The following MROH9 variants were observed in gnomAD, a reference collection of about 807,000 sequenced individuals.
The protein encoded by MROH9 is maestro heat-like repeat-containing protein family member 9.
MROH9 carries 92 observed loss-of-function variants against 98.2 expected under a neutral mutation model. The ratio of observed to expected loss-of-function variants is 0.94; its 90% CI spans 0.79 to 1.11. The LOEUF is 1.11. MROH9 is among the 50% of genes most tolerant of loss of function. The pLI, the probability that MROH9 is intolerant of heterozygous loss-of-function variation, is 0.00. For synonymous variants in MROH9, 397 were observed against 368.9 expected (o/e 1.08, Z -0.87); for missense variants, 1,057 against 1,014.8 (o/e 1.04, Z -0.57).
intron 2 of MROH9, among the ~76,000 whole-genome samples, chr1:170,946,827 G>A (rs986346570): frequency 1.3e-5 from 2 of 151,908 alleles, no homozygotes; most frequent in African/African-American, 2.4e-5. Context: ...AATCATTTCA[G>A]TAACTGATAA....
intron 15 of MROH9, among the ~76,000 whole-genome samples, chr1:170,999,865 T>A (rs1651728790): frequency 6.6e-6 from 1 of 152,092 alleles, no homozygotes; most frequent in South Asian, 2.1e-4. Flanking sequence ...TTTTCTTGAT[T>A]ACTGTCATTC....
chr1:171,000,863 T>G (rs1196723630), intron 15 of MROH9, among the ~76,000 whole-genome samples: 1 of 152,136 alleles, frequency 6.6e-6, no homozygotes, highest in Non-Finnish European at 1.5e-5. Flanking sequence ...TGAATCCATC[T>G]GGTCCTGGAC....
At chr1:170,945,286 C>T (rs553737435) in intron 1 of MROH9, among the ~76,000 whole-genome samples, 1 of 152,188 alleles carries the variant, frequency 6.6e-6, no homozygotes, top group Non-Finnish European at 1.5e-5. Flanking sequence ...TTGAGTCCAG[C>T]TGTGTGAGAC....
At chr1:170,963,953 T>TA (rs1450870923) in intron 6 of MROH9, among the ~76,000 whole-genome samples, 2 of 151,938 alleles carry the variant, frequency 1.3e-5, no homozygotes, top group Admixed American at 6.6e-5. Context: ...AAATAAAAGT[T>TA]AAAAAAAGTT....
chr1:171,034,122 TA>T (rs960202395), intron 20 of MROH9, among the ~76,000 whole-genome samples: 6 of 152,000 alleles, frequency 3.9e-5, no homozygotes, highest in Non-Finnish European at 8.8e-5. Context: ...AGTTGAATAC[TA>T]AAAAAACTTT....
chr1:171,055,449 C>T (rs1437192782), intron 20 of MROH9, among the ~76,000 whole-genome samples: 3 of 151,718 alleles, frequency 2.0e-5, no homozygotes, highest in Admixed American at 6.6e-5. Flanking sequence ...GGTGAAACCC[C>T]GTCTCTACTA....
intron 3 of MROH9, among the ~76,000 whole-genome samples, chr1:170,950,899 G>T (rs1386033710): frequency 2.6e-5 from 4 of 151,886 alleles, no homozygotes; most frequent in Admixed American, 6.6e-5. Flanking sequence ...CCTCCATTTT[G>T]TCTTAATTTT....
Position 171,016,489 on chromosome 1 carries a change from CT to C in MROH9, c.1908+165del, listed in dbSNP as rs563443751. ...ATAAAAATATTAGGTAAGTACTGGT[CT>C]TTTTTTTTTTTAAGTACACTGTGAG... On this transcript the variant is annotated intron_variant, in intron 17 of 21. Transcript: ENST00000367759. Among the ~76,000 whole-genome samples the C allele has an allele frequency of 8.0e-3, 1,168 of 145,286 alleles. 11 individuals carry two copies. Among genetic ancestry groups the C allele is most frequent in the African/African-American group, 0.024 (970 of 39,750 alleles).
chr1:171,004,221 G>T (rs1651874884), intron 15 of MROH9, among the ~76,000 whole-genome samples: 1 of 152,192 alleles, frequency 6.6e-6, no homozygotes, highest in Non-Finnish European at 1.5e-5. Flanking sequence ...TGAAGTCTAA[G>T]TCTGCAAGCC....
At chr1:170,995,847 A>G (rs1366823204) in intron 13 of MROH9, among the ~76,000 whole-genome samples, 1 of 152,126 alleles carries the variant, frequency 6.6e-6, no homozygotes, top group East Asian at 1.9e-4. Flanking sequence ...ATTAAATCCA[A>G]AGTCAGATAC....
chr1:171,025,294 GC>G, intron 19 of MROH9, 23 bp from the exon 20 acceptor site: 1 of 1,421,210 alleles, frequency 7.0e-7, no homozygotes, highest in South Asian at 1.2e-5. Context: ...CGAGTGAGGT[GC>G]TTTTTTCCCT....
intron 17 of MROH9, among the ~76,000 whole-genome samples, chr1:171,017,011 T>C (rs1346858700): frequency 6.6e-6 from 1 of 152,214 alleles, no homozygotes; most frequent in African/African-American, 2.4e-5. Flanking sequence ...CTTCTAAGTT[T>C]TTAATCACTT....
At chr1:170,935,991 A>G (rs1037862280) in intron 1 of MROH9, among the ~76,000 whole-genome samples, 17 of 138,054 alleles carry the variant, frequency 1.2e-4, no homozygotes, top group Non-Finnish European at 2.4e-4. Context: ...ACAAAAAAAA[A>G]AAAAAAAAAA....
At chr1:171,020,987 T>TGAA (rs1652497523) in intron 17 of MROH9, among the ~76,000 whole-genome samples, 1 of 151,996 alleles carries the variant, frequency 6.6e-6, no homozygotes, top group African/African-American at 2.4e-5. Flanking sequence ...GAGAGCCAAA[T>TGAA]CATGAATGAA....
chr1:171,064,464 C>T lies in MROH9; in HGVS notation c.*124C>T. 1 of 1,006,084 alleles carries T rather than the reference C, an allele frequency of 9.9e-7. No homozygotes were observed. 62.3% of individuals were successfully genotyped at this position (1,006,084 alleles called of 1,614,324 possible). ...GACAACTTGAGTCTGTTTGTAGATG[C>T]TTTTCTGAAAAATTCTGGAAGCTTT... On this transcript the variant is annotated 3_prime_UTR_variant, in exon 22 of 22. Coordinates refer to ENST00000367759, the MANE Select transcript of MROH9 (RefSeq NM_001163629.2).
chr1:171,042,808 CT>C (rs746584668), intron 20 of MROH9, among the ~76,000 whole-genome samples: 11 of 152,062 alleles, frequency 7.2e-5, no homozygotes, highest in Non-Finnish European at 1.2e-4. Context: ...CTATTCAAAT[CT>C]TTTGCTCATC....
chr1:171,016,854 A>C (rs72710570), intron 17 of MROH9, among the ~76,000 whole-genome samples: 13,608 of 152,280 alleles, frequency 0.089, 725 homozygotes, highest in Middle Eastern at 0.17. Context: ...TCTTTCTGAA[A>C]ATTCTCATTT....
chr1:171,003,290 A>G (rs1050238965), intron 15 of MROH9, among the ~76,000 whole-genome samples: 2 of 152,096 alleles, frequency 1.3e-5, no homozygotes, highest in African/African-American at 4.8e-5. Context: ...GTGAACTAGT[A>G]CGATTTTTGA....
intron 20 of MROH9, among the ~76,000 whole-genome samples, chr1:171,044,360 T>G (rs1653398335): frequency 2.0e-5 from 3 of 152,156 alleles, no homozygotes; most frequent in Admixed American, 1.3e-4. Flanking sequence ...TTGATTCCAT[T>G]TGCTAGTATT....
Sources: gnomAD v4.1 joint callset for allele counts (sites outside exome capture counted in the v4.1 genomes callset) on GRCh38, gnomAD v4.1.1 for gene constraint, MANE v1.5 for transcripts, NCBI Gene and HGNC (gene_info 2026-07-23, HGNC 2026-07-21) for gene names.